UTRN: variants seen among roughly 807,000 people sequenced by gnomAD.
UTRN encodes the protein utrophin.
A neutral mutation model predicts 463.9 loss-of-function variants in UTRN; 283 were observed. The observed-to-expected ratio is 0.61, with a 90% confidence interval of 0.55 to 0.67. UTRN has a LOEUF of 0.67. Ranked by LOEUF, UTRN falls within the 30% of genes least tolerant of loss-of-function variation. The pLI is 0.00. For missense variants in UTRN, 3,922 were observed against 4,084.3 expected (o/e 0.96, Z 1.08); for synonymous variants, 1,442 against 1,431.5 (o/e 1.01, Z -0.17).
At chr6:144,371,878 T>C (rs374338430) in intron 2 of UTRN, among the ~76,000 whole-genome samples, 1 of 152,238 alleles carries the variant, frequency 6.6e-6, no homozygotes, top group South Asian at 2.1e-4. Flanking sequence ...GGTTGTTGAC[T>C]AAGAAATAGG....
intron 14 of UTRN, among the ~76,000 whole-genome samples, chr6:144,445,923 G>A (rs1787649816): frequency 6.6e-6 from 1 of 152,068 alleles, no homozygotes; most frequent in Non-Finnish European, 1.5e-5. Context: ...CCACTCAGGA[G>A]GCTATGGAGG....
intron 10 of UTRN, 73 bp from the exon 11 acceptor site, chr6:144,437,492 A>G: frequency 7.0e-7 from 1 of 1,433,744 alleles, no homozygotes; most frequent in Non-Finnish European, 9.3e-7. Context: ...GTTAGGCATT[A>G]GCAATTTGTT....
At chr6:144,346,794 GC>G (rs1458184881) in intron 2 of UTRN, among the ~76,000 whole-genome samples, 4 of 152,048 alleles carry the variant, frequency 2.6e-5, no homozygotes, top group Non-Finnish European at 5.9e-5. Context: ...CTGCACTTCA[GC>G]CCGGGCATCA....
intron 47 of UTRN, 58 bp downstream of exon 47, chr6:144,548,912 A>C: frequency 6.6e-7 from 1 of 1,521,656 alleles, no homozygotes; most frequent in Non-Finnish European, 8.9e-7. Context: ...GGTAGACCAG[A>C]TCTGTTTGAA....
intron 69 of UTRN, among the ~76,000 whole-genome samples, chr6:144,830,545 T>C (rs1780578797): frequency 6.6e-6 from 1 of 152,208 alleles, no homozygotes; most frequent in South Asian, 2.1e-4. Context: ...CACACCCTAA[T>C]GATTTTACTT....
At chr6:144,694,102 G>T (rs980787168) in intron 52 of UTRN, among the ~76,000 whole-genome samples, 4 of 151,874 alleles carry the variant, frequency 2.6e-5, no homozygotes, top group Non-Finnish European at 4.4e-5. Flanking sequence ...AACCTAAGGG[G>T]TGTTGAATTT....
intron 2 of UTRN, among the ~76,000 whole-genome samples, chr6:144,331,547 GTAGT>G (rs1266446907): frequency 1.3e-5 from 2 of 152,160 alleles, no homozygotes; most frequent in Non-Finnish European, 2.9e-5. Flanking sequence ...CAACAATTGA[GTAGT>G]TAATTAGTGC....
At chr6:144,326,186 TATA>T (rs1448447875) in intron 2 of UTRN, among the ~76,000 whole-genome samples, 2 of 152,218 alleles carry the variant, frequency 1.3e-5, no homozygotes, top group East Asian at 1.9e-4. Flanking sequence ...TTGAGAAATA[TATA>T]ATGAGATAGA....
chr6:144,590,092 C>T (rs1466087386), intron 51 of UTRN, among the ~76,000 whole-genome samples: 1 of 152,100 alleles, frequency 6.6e-6, no homozygotes, highest in Non-Finnish European at 1.5e-5. Flanking sequence ...AACTCCTGAG[C>T]TCAAGCAATC....
chr6:144,699,284 G>C (rs1034962343), intron 52 of UTRN, among the ~76,000 whole-genome samples: 1 of 151,740 alleles, frequency 6.6e-6, no homozygotes, highest in African/African-American at 2.4e-5. Context: ...CTAAAAATAC[G>C]AAAATTAACC....
chr6:144,699,473 GTTTTTTTTT>G lies in UTRN; in HGVS notation c.7653-595_7653-587del, dbSNP rs71024902. On this transcript the variant is annotated intron_variant, in intron 52 of 74. Coordinates refer to ENST00000367545, the MANE Select transcript of UTRN (RefSeq NM_007124.3). ...AAATAATAATAATAATTAGTCAGTG[GTTTTTTTTT>G]TTTTTTTTTTTTTTTTTTGGAAAGA... Among the ~76,000 whole-genome samples the G allele has an allele frequency of 5.6e-3, 377 of 67,644 alleles. 3 individuals are homozygous for G. The highest frequency in any genetic ancestry group is 0.02 in the South Asian group (24 of 1,188). 44.4% of individuals were successfully genotyped at this position (67,644 alleles called of 152,430 possible). A position where few individuals can be genotyped will look rare whatever the true frequency, so the allele number is the denominator to read the frequency against.
intron 74 of UTRN, among the ~76,000 whole-genome samples, chr6:144,850,450 C>A (rs1021286767): frequency 1.3e-5 from 2 of 151,978 alleles, no homozygotes; most frequent in Admixed American, 6.6e-5. Context: ...AAATGTTTGA[C>A]CTTCCCTTCA....
chr6:144,511,797 A>T (rs899226752), intron 35 of UTRN, among the ~76,000 whole-genome samples: 5 of 152,090 alleles, frequency 3.3e-5, no homozygotes, highest in African/African-American at 4.8e-5. Context: ...TTACCATTTA[A>T]TTTTTATATG....
At chr6:144,371,714 TAAC>T (rs1780002970) in intron 2 of UTRN, among the ~76,000 whole-genome samples, 1 of 152,178 alleles carries the variant, frequency 6.6e-6, no homozygotes, top group Non-Finnish European at 1.5e-5. Flanking sequence ...GGCCGCAGAT[TAAC>T]TTTTATATTT....
chr6:144,417,797 G>T (rs1485867641), intron 3 of UTRN, among the ~76,000 whole-genome samples: 1 of 152,172 alleles, frequency 6.6e-6, no homozygotes, highest in Non-Finnish European at 1.5e-5. Context: ...ACAAAAGGTA[G>T]TTAATTGTTT....
chr6:144,848,460 A>G (rs994025882), intron 74 of UTRN, among the ~76,000 whole-genome samples: 55 of 152,314 alleles, frequency 3.6e-4, no homozygotes, highest in African/African-American at 1.3e-3. Flanking sequence ...CCAGATGCTT[A>G]AGCTCAGTAG....
At chr6:144,616,722 A>C (rs1192884870) in intron 51 of UTRN, among the ~76,000 whole-genome samples, 1 of 152,134 alleles carries the variant, frequency 6.6e-6, no homozygotes, top group East Asian at 1.9e-4. Context: ...CTTTTCAAGA[A>C]AAGAATTCTT....
At chr6:144,545,826 C>G (rs1798350832) in intron 46 of UTRN, among the ~76,000 whole-genome samples, 1 of 152,186 alleles carries the variant, frequency 6.6e-6, no homozygotes, top group Non-Finnish European at 1.5e-5. Flanking sequence ...TCGAGACCAG[C>G]CTGGCCAACA....
chr6:144,438,644 G>A (rs1786820923), intron 11 of UTRN, 101 bp from the exon 12 acceptor site: 1 of 1,415,102 alleles, frequency 7.1e-7, no homozygotes, highest in Admixed American at 2.1e-5. Flanking sequence ...GTTTAGACAA[G>A]GGTGTCTTCC....
Sources: gnomAD v4.1 joint callset for allele counts (sites outside exome capture counted in the v4.1 genomes callset) on GRCh38, gnomAD v4.1.1 for gene constraint, MANE v1.5 for transcripts, NCBI Gene and HGNC (gene_info 2026-07-23, HGNC 2026-07-21) for gene names.